The following PZP variants were observed in gnomAD, a reference collection of about 807,000 sequenced individuals.
The protein encoded by PZP is pregnancy zone protein.
PZP carries 150 observed loss-of-function variants against 179.8 expected under a neutral mutation model. The ratio of observed to expected loss-of-function variants is 0.83; its 90% confidence interval spans 0.73 to 0.96. The LOEUF (loss-of-function observed/expected upper bound fraction) is 0.96, where lower values mean the gene tolerates loss of function less well. Ranked by LOEUF, PZP falls within the 40% of genes least tolerant of loss-of-function variation. The probability of loss-of-function intolerance (pLI) is 0.00; values close to 1 mark genes in which losing one functional copy is unlikely to be tolerated. For missense variants in PZP, 1,689 were observed against 1,764.0 expected, an observed-to-expected ratio of 0.96 and a Z score of 0.76; for synonymous variants, 624 against 652.3, an observed-to-expected ratio of 0.96 and a Z score of 0.66.
intron 27 of PZP, 75 bp from the exon 28 acceptor site, chr12:9,157,430 A>C (rs1011149046): frequency 2.9e-6 from 4 of 1,362,856 alleles, no homozygotes; most frequent in Non-Finnish European, 2.0e-6. Flanking sequence ...GGATATTGAC[A>C]GTCAGATGTT....
At chr12:9,185,171 G>A (rs1380788309) in intron 13 of PZP, among the ~76,000 whole-genome samples, 1 of 152,182 alleles carries the variant, frequency 6.6e-6, no homozygotes, top group Non-Finnish European at 1.5e-5. Flanking sequence ...ATCTAAGGAA[G>A]CTAAGAATCA....
intron 2 of PZP, among the ~76,000 whole-genome samples, chr12:9,203,261 C>G (rs1425471690): frequency 7.2e-6 from 1 of 138,048 alleles, no homozygotes; most frequent in African/African-American, 2.5e-5. Context: ...CTTCCTTACT[C>G]TGGTAAAAAA....
chr12:9,150,417 G>A (rs1940266187), intron 34 of PZP, among the ~76,000 whole-genome samples: 2 of 152,044 alleles, frequency 1.3e-5, no homozygotes, highest in African/African-American at 2.4e-5. Context: ...ATAGTAGCTG[G>A]GATTACAGGC....
chr12:9,182,345 C>T (rs755005281), intron 13 of PZP, among the ~76,000 whole-genome samples: 1 of 152,278 alleles, frequency 6.6e-6, no homozygotes, highest in African/African-American at 2.4e-5. Context: ...TCCTTTCACT[C>T]ACATCTTTTT....
intron 28 of PZP, among the ~76,000 whole-genome samples, chr12:9,156,572 G>A (rs1025170782): frequency 6.6e-6 from 1 of 152,212 alleles, no homozygotes; most frequent in Non-Finnish European, 1.5e-5. Flanking sequence ...TTTCATTCAA[G>A]TAAGTAGAGA....
At chr12:9,144,839 C>T (rs1367986316), downstream of PZP, among the ~76,000 whole-genome samples, 2 of 152,182 alleles carry the variant, frequency 1.3e-5, no homozygotes, top group East Asian at 1.9e-4. Flanking sequence ...GGTTTATTTT[C>T]GTGTTGGAAT....
Position 9,194,114 on chromosome 12 carries a change from T to G in PZP, c.1217A>C (p.Asn406Thr). The G allele has an allele frequency of 6.2e-7, 1 of 1,613,984 alleles. No homozygotes were observed. The highest frequency in any genetic ancestry group is 8.5e-7 in the Non-Finnish European group (1 of 1,179,920). The change falls in exon 11 of 36, where the codon AAT becomes ACT. Residue 406 changes from asparagine (N) to threonine (T), a missense_variant. By Grantham distance (65) the Asn-to-Thr change is moderately conservative (BLOSUM62 0). This residue lies in a region of PZP where 742 missense variants were observed against 730.5 expected (regional missense o/e 1.02). Coordinates refer to ENST00000261336, the MANE Select transcript of PZP (RefSeq NM_002864.3). ...NEQGLAQFSI[N>T]TTSISVNKLF... ...TTTATTAACCGAGATACTGGTAGTATTGATTGAAAACTGTGCAAGACCCTG... is the reference window on the plus strand; with the variant it reads ...TTTATTAACCGAGATACTGGTAGTAGTGATTGAAAACTGTGCAAGACCCTG...
the PZP span, among the ~76,000 whole-genome samples, chr12:9,141,696 A>G: frequency 6.6e-6 from 1 of 152,192 alleles, no homozygotes; most frequent in Non-Finnish European, 1.5e-5. Flanking sequence ...CCTCCTTATA[A>G]TCTTTTTACC....
chr12:9,198,943 C>T (rs890801314), intron 7 of PZP, among the ~76,000 whole-genome samples: 15 of 152,118 alleles, frequency 9.9e-5, no homozygotes, highest in African/African-American at 3.1e-4. Flanking sequence ...CTTTACCCTG[C>T]GTGCTCCCTC....
Position 9,197,974 on chromosome 12 carries a change from AAT to A in PZP, c.756-853_756-852del, listed in dbSNP as rs1423754838. 5.9e-5 allele frequency among the ~76,000 whole-genome samples: 8 copies of A among 134,598 alleles called. No individual in the cohort carries two copies. In the East Asian group the frequency reaches 1.6e-3, roughly 27 times the overall value. 88.3% of individuals were successfully genotyped at this position (134,598 alleles called of 152,430 possible). ...ATTACATATTTATATATTATATATT[AAT>A]ATATATTATATATATATTTAATCCC... On this transcript the variant is annotated intron_variant, in intron 7 of 35. Transcript: ENST00000261336.
At chr12:9,183,408 A>AT (rs35749332) in intron 13 of PZP, among the ~76,000 whole-genome samples, 87,879 of 151,142 alleles carry the variant, frequency 0.58, 26,212 homozygotes, top group East Asian at 0.75. Flanking sequence ...AATAAATGTA[A>AT]TTTTTTTTTG....
chr12:9,144,183 G>C (rs1446456209), downstream of PZP, among the ~76,000 whole-genome samples: 1 of 151,224 alleles, frequency 6.6e-6, no homozygotes, highest in Non-Finnish European at 1.5e-5. Flanking sequence ...GAGAGAGAGA[G>C]AGACAGAGAG....
At chr12:9,144,169 GAGAGAGAGAGAGAGAGAC>G (rs1939883348), downstream of PZP, among the ~76,000 whole-genome samples, 1 of 151,508 alleles carries the variant, frequency 6.6e-6, no homozygotes, top group Admixed American at 6.6e-5. Context: ...ATGAGGAAGA[GAGAGAGAGAGAGAGAGAC>G]AGAGAGAGAC....
intron 1 of PZP, among the ~76,000 whole-genome samples, chr12:9,205,084 C>A (rs186509227): frequency 5.3e-5 from 8 of 152,022 alleles, no homozygotes; most frequent in Non-Finnish European, 8.8e-5. Context: ...CAGAGTGAGA[C>A]CCTGTTTCAA....
intron 7 of PZP, among the ~76,000 whole-genome samples, chr12:9,199,871 G>A (rs1283006014): frequency 6.6e-6 from 1 of 152,084 alleles, no homozygotes; most frequent in Non-Finnish European, 1.5e-5. Context: ...CCGTTGTAGA[G>A]AGTTTGGAAA....
At chr12:9,150,168 T>G (rs964253476) in intron 34 of PZP, among the ~76,000 whole-genome samples, 4 of 152,254 alleles carry the variant, frequency 2.6e-5, no homozygotes, top group African/African-American at 9.6e-5. Context: ...TATCTATGTC[T>G]CTAAACTACT....
chr12:9,140,266 G>C, the PZP span, among the ~76,000 whole-genome samples: 8 of 152,100 alleles, frequency 5.3e-5, no homozygotes, highest in South Asian at 4.1e-4. Flanking sequence ...ATAGTAGTAG[G>C]GGGGGGCCCA....
chr12:9,203,483 G>A (rs1210190000), intron 2 of PZP, among the ~76,000 whole-genome samples: 1 of 151,616 alleles, frequency 6.6e-6, no homozygotes, highest in Non-Finnish European at 1.5e-5. Flanking sequence ...CTGGGACTAC[G>A]GGCGCCTGCC....
intron 24 of PZP, 123 bp downstream of exon 24, chr12:9,160,191 G>T: frequency 9.1e-7 from 1 of 1,102,632 alleles, no homozygotes; most frequent in Non-Finnish European, 1.3e-6. Context: ...CTATTAGAGT[G>T]TGGGAAGATT....
Sources: allele counts gnomAD v4.1 joint callset (sites outside exome capture counted in the v4.1 genomes callset), GRCh38; gene constraint gnomAD v4.1.1; regional missense constraint gnomAD v4.1.1; transcripts MANE v1.5; gene names NCBI Gene and HGNC (gene_info 2026-07-23, HGNC 2026-07-21).